Variants in IL1RAPL1 observed in about 807,000 individuals in gnomAD.
The protein encoded by IL1RAPL1 is interleukin 1 receptor accessory protein like 1, also known as interleukin-1 receptor accessory protein-like 1.
Under a neutral mutation model 48.4 loss-of-function variants are expected in IL1RAPL1, and 3 were observed. The ratio of observed to expected loss-of-function variants is 0.06; its 90% CI spans 0.03 to 0.16. IL1RAPL1 has a LOEUF of 0.16. IL1RAPL1 is among the 10% of genes least tolerant of loss of function. IL1RAPL1 has a pLI of 1.00. For missense variants in IL1RAPL1, 349 were observed against 530.6 expected, an observed-to-expected ratio of 0.66 and a Z score of 3.36; for synonymous variants, 185 against 187.7, an observed-to-expected ratio of 0.99 and a Z score of 0.12.
chrX:28,698,796 C>A (rs546781360), intron 1 of IL1RAPL1, among the ~76,000 whole-genome samples: 1 of 111,325 alleles, frequency 9.0e-6, no homozygotes, highest in South Asian at 3.8e-4. Context: ...AGTGACCATT[C>A]GTGGTCATCT....
intron 6 of IL1RAPL1, among the ~76,000 whole-genome samples, chrX:29,838,595 A>G (rs1004017216): frequency 8.9e-6 from 1 of 111,780 alleles, no homozygotes; most frequent in Non-Finnish European, 1.9e-5. Flanking sequence ...ACAGGGAACA[A>G]ACTGCCATGA....
intron 2 of IL1RAPL1, among the ~76,000 whole-genome samples, chrX:28,947,804 A>T (rs1924347732): frequency 9.0e-6 from 1 of 111,725 alleles, no homozygotes; most frequent in African/African-American, 3.2e-5. Context: ...ATATAGAGAA[A>T]TATTCTCAGT....
intron 1 of IL1RAPL1, among the ~76,000 whole-genome samples, chrX:28,703,062 A>G (rs1295577943): frequency 1.8e-5 from 2 of 111,506 alleles, no homozygotes; most frequent in Admixed American, 1.9e-4. Flanking sequence ...CTTGCATCAG[A>G]CAAGCTAAAC....
At chrX:29,673,442 A>G (rs1474428064) in intron 6 of IL1RAPL1, among the ~76,000 whole-genome samples, 1 of 111,589 alleles carries the variant, frequency 9.0e-6, no homozygotes, top group Non-Finnish European at 1.9e-5. Context: ...GGTTGTCATA[A>G]GCAAATGTAA....
chrX:29,658,103 T>C (rs1207890893), intron 5 of IL1RAPL1, among the ~76,000 whole-genome samples: 2 of 112,185 alleles, frequency 1.8e-5, no homozygotes, highest in African/African-American at 6.5e-5. Flanking sequence ...GTAATTGTTT[T>C]AAAAGTGAAA....
At chrX:29,867,067 T>C (rs1035900182) in intron 6 of IL1RAPL1, among the ~76,000 whole-genome samples, 39 of 110,867 alleles carry the variant, frequency 3.5e-4, no homozygotes, top group African/African-American at 1.3e-3. Flanking sequence ...TAATCAGACC[T>C]GGGATGGAAG....
chrX:29,495,953 A>G (rs897989684), intron 5 of IL1RAPL1, among the ~76,000 whole-genome samples: 2 of 110,300 alleles, frequency 1.8e-5, no homozygotes, highest in Non-Finnish European at 3.8e-5. Flanking sequence ...ATTCTCTACA[A>G]TAAGTTCAGA....
intron 6 of IL1RAPL1, among the ~76,000 whole-genome samples, chrX:29,678,701 AT>A (rs1200805571): frequency 4.5e-5 from 5 of 111,385 alleles, no homozygotes; most frequent in African/African-American, 1.6e-4. Flanking sequence ...AAGGATCTTT[AT>A]TTAATTTTGT....
At chrX:29,273,815 G>A (rs909088172) in intron 2 of IL1RAPL1, among the ~76,000 whole-genome samples, 1 of 109,393 alleles carries the variant, frequency 9.1e-6, no homozygotes, top group Admixed American at 9.8e-5. Flanking sequence ...ATCCATGCGT[G>A]TATTCGCACT....
At chrX:29,026,343 T>C (rs1926485587) in intron 2 of IL1RAPL1, among the ~76,000 whole-genome samples, 1 of 112,256 alleles carries the variant, frequency 8.9e-6, no homozygotes, top group African/African-American at 3.2e-5. Flanking sequence ...AGATTTGTTT[T>C]CAAAGCTCAT....
chrX:29,255,884 A>G (rs1181919603), intron 2 of IL1RAPL1, among the ~76,000 whole-genome samples: 1 of 111,705 alleles, frequency 9.0e-6, no homozygotes, highest in African/African-American at 3.3e-5. Context: ...GGTTGATTCC[A>G]TATCTGCTAT....
At chrX:29,097,098 T>C (rs1444698934) in intron 2 of IL1RAPL1, among the ~76,000 whole-genome samples, 2 of 111,496 alleles carry the variant, frequency 1.8e-5, no homozygotes, top group Non-Finnish European at 3.8e-5. Context: ...CCAACATTGA[T>C]ATGTTAATTT....
chrX:29,410,796 T>C (rs1166363229), intron 5 of IL1RAPL1, among the ~76,000 whole-genome samples: 2 of 112,591 alleles, frequency 1.8e-5, no homozygotes, highest in African/African-American at 6.5e-5. Flanking sequence ...ATTCAAATCA[T>C]AATTTTATGA....
intron 9 of IL1RAPL1, among the ~76,000 whole-genome samples, chrX:29,947,144 G>A (rs932095566): frequency 1.8e-5 from 2 of 111,446 alleles, no homozygotes; most frequent in Non-Finnish European, 3.8e-5. Flanking sequence ...CTTTAGAGTA[G>A]AACTTATACT....
At chrX:29,796,113 C>T (rs940831751) in intron 6 of IL1RAPL1, among the ~76,000 whole-genome samples, 2 of 112,020 alleles carry the variant, frequency 1.8e-5, no homozygotes, top group African/African-American at 6.5e-5. Context: ...ACCACCTCTA[C>T]TCATATTCCC....
At position 29,370,286 on chromosome X, in the gene IL1RAPL1, A is replaced by C. The variant is rs1933525815; in HGVS notation, c.363-25972A>C. Among the ~76,000 whole-genome samples the C allele has an allele frequency of 7.2e-5, 8 of 110,918 alleles. 1 individual carries two copies. On this transcript the variant is annotated intron_variant, in intron 3 of 10. Transcript: ENST00000378993. Reference sequence around the variant, plus strand: ...GTAGGATATGAAGATGACATAGCTTACTTAATTTCATAGTTCAAGACCAGC... The same window carrying C: ...GTAGGATATGAAGATGACATAGCTTCCTTAATTTCATAGTTCAAGACCAGC...
intron 6 of IL1RAPL1, among the ~76,000 whole-genome samples, chrX:29,816,649 CTGA>C (rs1423367085): frequency 9.0e-6 from 1 of 110,864 alleles, no homozygotes; most frequent in Non-Finnish European, 1.9e-5. Flanking sequence ...GCCAATATCT[CTGA>C]TGAACATAGA....
intron 2 of IL1RAPL1, among the ~76,000 whole-genome samples, chrX:29,114,156 A>C (rs1467633173): frequency 1.8e-5 from 2 of 111,382 alleles, no homozygotes; most frequent in Non-Finnish European, 3.8e-5. Context: ...AAATTTTCCC[A>C]TTTTCTGTTT....
chrX:28,946,242 G>A (rs942395636), intron 2 of IL1RAPL1, among the ~76,000 whole-genome samples: 1 of 109,834 alleles, frequency 9.1e-6, no homozygotes, highest in Non-Finnish European at 1.9e-5. Context: ...ACAGTCATTC[G>A]GTTATCTTTC....
Sources: allele counts gnomAD v4.1 joint callset (sites outside exome capture counted in the v4.1 genomes callset), GRCh38; gene constraint gnomAD v4.1.1; transcripts MANE v1.5; gene names NCBI Gene and HGNC (gene_info 2026-07-23, HGNC 2026-07-21).